KIRREL3: variants seen among roughly 807,000 people sequenced by gnomAD.
KIRREL3 encodes the protein kin of IRRE-like protein 3.
In KIRREL3, 36 loss-of-function variants were observed where a neutral mutation model predicts 89.7. The observed-to-expected ratio is 0.40, with a 90% confidence interval of 0.31 to 0.53. The LOEUF is 0.53. Ranked by LOEUF, KIRREL3 falls within the 20% of genes least tolerant of loss-of-function variation. The pLI, the probability that KIRREL3 is intolerant of heterozygous loss-of-function variation, is 0.49. For synonymous variants in KIRREL3, 445 were observed against 441.4 expected (o/e 1.01, Z -0.10); for missense variants, 864 against 1,056.6 (o/e 0.82, Z 2.53).
At position 126,783,740 on chromosome 11, in the gene KIRREL3, A is replaced by G. The variant is rs1340072969; in HGVS notation, c.55+216715T>C. Among the ~76,000 whole-genome samples, 1 of 152,272 alleles carries G rather than the reference A, an allele frequency of 6.6e-6. No individual in the cohort carries two copies. Among genetic ancestry groups the G allele is most frequent in the East Asian group, 1.9e-4 (1 of 5,202 alleles). On this transcript the variant is annotated intron_variant, in intron 1 of 16. Coordinates refer to ENST00000525144, the MANE Select transcript of KIRREL3 (RefSeq NM_032531.4). This position sits in a 1 kb window ranked among gnomAD's most constrained non-coding sequence, Gnocchi z 4.3. ...TAATTCACGTAGATGCCTTGCCCTC[A>G]AAGAAGTAGAGTATAGCTTCCCGCT...
chr11:126,638,055 C>T (rs778433001), intron 1 of KIRREL3, among the ~76,000 whole-genome samples: 1 of 152,182 alleles, frequency 6.6e-6, no homozygotes, highest in Non-Finnish European at 1.5e-5. Context: ...GGAACTAAGG[C>T]TCAACAAATG....
intron 5 of KIRREL3, among the ~76,000 whole-genome samples, chr11:126,464,641 C>T (rs1309730610): frequency 6.6e-6 from 1 of 152,030 alleles, no homozygotes; most frequent in African/African-American, 2.4e-5. Flanking sequence ...CAGAGAGAAA[C>T]AGAGAAGGCC....
intron 1 of KIRREL3, among the ~76,000 whole-genome samples, chr11:126,589,059 C>T (rs1160785290): frequency 6.6e-6 from 1 of 152,206 alleles, no homozygotes; most frequent in Non-Finnish European, 1.5e-5. Flanking sequence ...ACACTAGCTG[C>T]CTCTCCCGGT....
chr11:126,467,055 T>C (rs984060358), intron 5 of KIRREL3, among the ~76,000 whole-genome samples: 23 of 152,212 alleles, frequency 1.5e-4, no homozygotes, highest in African/African-American at 5.3e-4. Flanking sequence ...GGCAGGCATA[T>C]AGATGGCGTG....
Position 126,620,859 on chromosome 11 carries a change from C to A in KIRREL3, c.56-57947G>T, listed in dbSNP as rs1424017438. 6.6e-6 allele frequency among the ~76,000 whole-genome samples: 1 copy of A among 152,194 alleles called. No homozygotes were observed. Among genetic ancestry groups the A allele is most frequent in the Admixed American group, 6.5e-5 (1 of 15,286 alleles). ...AACTAGTGAGGAAGGCCGTACCCCA[C>A]TTGCTGGATGAGAACATACTGACAA... On this transcript the variant is annotated intron_variant, in intron 1 of 16. Transcript: ENST00000525144. The surrounding 1 kb of genome is among the most constrained non-coding windows in gnomAD (Gnocchi z 4.8).
rs141988867 is a variant in KIRREL3, at chr11:126,721,781, A to G, written c.56-158869T>C. 2.6e-5 allele frequency among the ~76,000 whole-genome samples: 4 copies of G among 152,262 alleles called. No homozygotes were observed. The East Asian group carries it at 7.7e-4, about 29-fold the overall frequency. ...GCCTTGATACTGAAGGAAGGATGAT[A>G]ACAGGGTGCGTTGGAGGGACAGCTG... On this transcript the variant is annotated intron_variant, in intron 1 of 16. Coordinates refer to ENST00000525144, the MANE Select transcript of KIRREL3 (RefSeq NM_032531.4).
At chr11:126,487,235 G>A (rs759921799) in intron 4 of KIRREL3, among the ~76,000 whole-genome samples, 3 of 152,200 alleles carry the variant, frequency 2.0e-5, no homozygotes, top group African/African-American at 4.8e-5. Flanking sequence ...GGGCAGGCAG[G>A]AGGAGGGAAT....
In KIRREL3 at chr11:126,890,266, G is replaced by A. The variant is rs1945860010; in HGVS notation, c.55+110189C>T. Among the ~76,000 whole-genome samples the A allele has an allele frequency of 6.6e-6, 1 of 152,182 alleles. No individual in the cohort carries two copies. Among genetic ancestry groups the A allele is most frequent in the Admixed American group, 6.5e-5 (1 of 15,288 alleles). On this transcript the variant is annotated intron_variant, in intron 1 of 16. Coordinates refer to ENST00000525144, the MANE Select transcript of KIRREL3 (RefSeq NM_032531.4). This position sits in a 1 kb window ranked among gnomAD's most constrained non-coding sequence, Gnocchi z 5.1. ...CTTCTTCCTGAGCAGCCTTCCGAGAGTGCCTCATACCTAAGACAGTCAGCC... is the reference window on the plus strand; with the variant it reads ...CTTCTTCCTGAGCAGCCTTCCGAGAATGCCTCATACCTAAGACAGTCAGCC...
At chr11:126,804,349 A>G (rs774871449) in intron 1 of KIRREL3, among the ~76,000 whole-genome samples, 9 of 152,212 alleles carry the variant, frequency 5.9e-5, no homozygotes, top group Non-Finnish European at 8.8e-5. Flanking sequence ...AGCCTATTAC[A>G]GAGCATAAGC....
intron 1 of KIRREL3, among the ~76,000 whole-genome samples, chr11:126,600,194 G>A (rs1942591073): frequency 6.6e-6 from 1 of 152,084 alleles, no homozygotes. Flanking sequence ...GGGCAAATGA[G>A]GCTCTCAATC....
rs565947346 is a variant in KIRREL3, at chr11:126,764,893, A to G, written c.56-201981T>C. Among the ~76,000 whole-genome samples, 24 of 152,234 alleles carry G rather than the reference A, an allele frequency of 1.6e-4. No homozygotes were observed. The highest frequency in any genetic ancestry group is 5.8e-4 in the African/African-American group (24 of 41,540). On this transcript the variant is annotated intron_variant, in intron 1 of 16. Transcript: ENST00000525144. The surrounding 1 kb of genome is among the most constrained non-coding windows in gnomAD (Gnocchi z 4.2). ...TCTCGGCCTGGATCCTCTTCAATGA[A>G]CCACCTATGTGTCACTTATGTCAAT...
intron 1 of KIRREL3, among the ~76,000 whole-genome samples, chr11:126,966,736 C>T (rs1322336696): frequency 2.6e-5 from 4 of 152,242 alleles, no homozygotes; most frequent in East Asian, 1.9e-4. Context: ...AGACTTGCTC[C>T]GTGGACAGTT....
chr11:126,806,704 A>C (rs983861285), intron 1 of KIRREL3, among the ~76,000 whole-genome samples: 4 of 152,170 alleles, frequency 2.6e-5, no homozygotes, highest in Admixed American at 1.3e-4. Context: ...TCTGGGATAC[A>C]TGTGTAGAAC....
At chr11:126,840,028 C>T (rs773733715) in intron 1 of KIRREL3, among the ~76,000 whole-genome samples, 3 of 152,152 alleles carry the variant, frequency 2.0e-5, no homozygotes, top group South Asian at 2.1e-4. Flanking sequence ...GGGACATGAA[C>T]GTTGAGAAAT....
chr11:126,520,875 C>T lies in KIRREL3; in HGVS notation c.433+440G>A, dbSNP rs1958564342. Among the ~76,000 whole-genome samples, 1 of 152,078 alleles carries T rather than the reference C, an allele frequency of 6.6e-6. No homozygotes were observed. Among genetic ancestry groups the T allele is most frequent in the South Asian group, 2.1e-4 (1 of 4,828 alleles). ...TACTAGAATCATGGGGAGAATCGGGCTGATTCTACAGAGAAGGTGGAAAGA... is the reference window on the plus strand; with the variant it reads ...TACTAGAATCATGGGGAGAATCGGGTTGATTCTACAGAGAAGGTGGAAAGA... On this transcript the variant is annotated intron_variant, in intron 4 of 16. Coordinates refer to ENST00000525144, the MANE Select transcript of KIRREL3 (RefSeq NM_032531.4). This position sits in a 1 kb window ranked among gnomAD's most constrained non-coding sequence, Gnocchi z 4.9.
At chr11:126,886,393 T>G (rs117549738) in intron 1 of KIRREL3, among the ~76,000 whole-genome samples, 1,862 of 152,268 alleles carry the variant, frequency 0.012, 22 homozygotes, top group Middle Eastern at 0.11. Flanking sequence ...CCACTGTATC[T>G]CCTACCAGCG....
rs181539065 is a variant in KIRREL3, at chr11:126,424,805, G to A, written c.2112C>T (p.Ile704=). The change falls in exon 17 of 17, where the codon ATC becomes ATT. Residue 704 remains isoleucine (I), a synonymous_variant. Coordinates refer to ENST00000525144, the MANE Select transcript of KIRREL3 (RefSeq NM_032531.4). Reference sequence around the variant, plus strand: ...TCTGGAACTCCCGCTCACAAAGCTCGATGGACGAGCTGCCCATGCCCAGCA... The same window carrying A: ...TCTGGAACTCCCGCTCACAAAGCTCAATGGACGAGCTGCCCATGCCCAGCA... ...RFVLGMGSSS[I]ELCEREFQRG... The A allele has an allele frequency of 4.8e-5, 78 of 1,614,072 alleles. No homozygotes were observed. In the East Asian group the frequency reaches 1.2e-3, roughly 25 times the overall value.
At chr11:126,450,643 G>A (rs989462175) in intron 7 of KIRREL3, among the ~76,000 whole-genome samples, 13 of 146,502 alleles carry the variant, frequency 8.9e-5, no homozygotes, top group Admixed American at 2.0e-4. Context: ...GGGAGCATGT[G>A]CACGTGTGTG....
chr11:126,678,661 T>TA lies in KIRREL3; in HGVS notation c.56-115750dup, dbSNP rs532621755. Among the ~76,000 whole-genome samples the TA allele has an allele frequency of 1.1e-3, 152 of 134,044 alleles. 4 individuals are homozygous for TA. The South Asian group carries it at 0.027, about 23-fold the overall frequency. The allele number at this position is 134,044 out of a possible 152,430, so 87.9% of individuals were successfully genotyped here. A position where few individuals can be genotyped will look rare whatever the true frequency, so the allele number is the denominator to read the frequency against. On this transcript the variant is annotated intron_variant, in intron 1 of 16. Transcript: ENST00000525144. ...AAGGAATGTTCTTCCTGGGTCATGA[T>TA]AGAGGAGTCAGATCCCTTGCTGGTA...
Sources: allele counts gnomAD v4.1 joint callset (sites outside exome capture counted in the v4.1 genomes callset), GRCh38; gene constraint gnomAD v4.1.1; non-coding constraint Gnocchi (gnomAD v3.1); transcripts MANE v1.5; gene names NCBI Gene and HGNC (gene_info 2026-07-23, HGNC 2026-07-21).